The following HIBADH variants were observed in gnomAD, a reference collection of about 807,000 sequenced individuals.
HIBADH encodes 3-hydroxyisobutyrate dehydrogenase, mitochondrial.
A neutral mutation model predicts 36.1 loss-of-function variants in HIBADH; 25 were observed. The observed-to-expected ratio is 0.69, with a 90% confidence interval of 0.50 to 0.97. The LOEUF is 0.97. HIBADH is among the 50% of genes least tolerant of loss of function. The probability of loss-of-function intolerance (pLI) is 0.00; values close to 1 mark genes in which losing one functional copy is unlikely to be tolerated. For missense variants in HIBADH, 421 were observed against 418.0 expected (o/e 1.01, Z -0.06); for synonymous variants, 160 against 149.5 (o/e 1.07, Z -0.51).
At chr7:27,616,735 T>C (rs1785435562) in intron 4 of HIBADH, among the ~76,000 whole-genome samples, 1 of 152,116 alleles carries the variant, frequency 6.6e-6, no homozygotes, top group Non-Finnish European at 1.5e-5. Flanking sequence ...GTGCTGGAAT[T>C]ACAGGCATGA....
chr7:27,645,382 T>TTTTTTTTGTTTTGTTTTTG (rs1786048711), intron 2 of HIBADH, among the ~76,000 whole-genome samples: 2 of 129,076 alleles, frequency 1.5e-5, no homozygotes, highest in African/African-American at 6.3e-5. Flanking sequence ...TTTTTTTTTT[T>TTTTTTTTGTTTTGTTTTTG]TTTTTTTTTT....
intron 4 of HIBADH, 46 bp downstream of exon 4, chr7:27,629,325 T>C (rs990683938): frequency 1.2e-5 from 19 of 1,580,760 alleles, no homozygotes; most frequent in Non-Finnish European, 1.6e-5. Flanking sequence ...AATTGCTACT[T>C]TTGACAAACA....
intron 6 of HIBADH, among the ~76,000 whole-genome samples, chr7:27,532,426 T>C (rs1460339797): frequency 6.6e-6 from 1 of 152,236 alleles, no homozygotes; most frequent in African/African-American, 2.4e-5. Context: ...CACGCTCAGA[T>C]TGTTTACTCT....
intron 4 of HIBADH, among the ~76,000 whole-genome samples, chr7:27,610,272 G>A (rs1785301611): frequency 1.3e-5 from 2 of 152,050 alleles, no homozygotes; most frequent in Admixed American, 6.6e-5. Context: ...CATATTTAAA[G>A]TATACAATTT....
At chr7:27,651,942 G>T (rs1786203156) in intron 1 of HIBADH, among the ~76,000 whole-genome samples, 1 of 152,144 alleles carries the variant, frequency 6.6e-6, no homozygotes, top group Admixed American at 6.5e-5. Context: ...GATTTCAAAT[G>T]GATAGGAGGG....
intron 6 of HIBADH, among the ~76,000 whole-genome samples, chr7:27,533,490 GC>G (rs1185131595): frequency 1.3e-5 from 2 of 152,000 alleles, no homozygotes; most frequent in African/African-American, 4.8e-5. Flanking sequence ...CCCACCCGCA[GC>G]AAAGTGTATC....
At chr7:27,566,061 A>G (rs1784543869) in intron 4 of HIBADH, among the ~76,000 whole-genome samples, 1 of 152,110 alleles carries the variant, frequency 6.6e-6, no homozygotes, top group African/African-American at 2.4e-5. Context: ...TTGCTGATTC[A>G]ATTTCTTAAT....
chr7:27,657,235 C>T (rs753951763), intron 1 of HIBADH, among the ~76,000 whole-genome samples: 10 of 151,962 alleles, frequency 6.6e-5, no homozygotes, highest in Non-Finnish European at 1.5e-4. Flanking sequence ...AGAAATACAA[C>T]AAGAGGCTGA....
rs545751048 is a variant in HIBADH at position 27,628,326 on chromosome 7, G to A, written c.484+1045C>T. ...CATTAAGTTCTTTATAAAAAAATAC[G>A]AAATGATTTAAATTATTATATGTTA... On this transcript the variant is annotated intron_variant, in intron 4 of 7. Transcript: ENST00000265395. 4.4e-4 allele frequency among the ~76,000 whole-genome samples: 67 copies of A among 152,012 alleles called. No homozygotes were observed. The South Asian group carries it at 0.01, about 23-fold the overall frequency.
At chr7:27,642,930 C>T (rs746007079) in intron 2 of HIBADH, among the ~76,000 whole-genome samples, 64 of 152,262 alleles carry the variant, frequency 4.2e-4, no homozygotes, top group Non-Finnish European at 4.0e-4. Context: ...GGATTACAGG[C>T]GTGAGCCACC....
At chr7:27,638,308 CAAAAA>C (rs368715218) in intron 2 of HIBADH, among the ~76,000 whole-genome samples, 13 of 55,466 alleles carry the variant, frequency 2.3e-4, no homozygotes, top group Middle Eastern at 0.018. Context: ...TTGGCAAAGT[CAAAAA>C]AAAAAAAAAA....
intron 4 of HIBADH, among the ~76,000 whole-genome samples, chr7:27,549,803 G>C (rs1485123702): frequency 6.6e-6 from 1 of 152,150 alleles, no homozygotes; most frequent in African/African-American, 2.4e-5. Context: ...TCTTTGGGCA[G>C]TTTTATTTGA....
chr7:27,638,044 T>C (rs1000079671), intron 2 of HIBADH, among the ~76,000 whole-genome samples: 62 of 152,112 alleles, frequency 4.1e-4, no homozygotes, highest in African/African-American at 1.4e-3. Flanking sequence ...AAACTACCAA[T>C]GACATTCTTC....
At chr7:27,658,577 C>T (rs1298214842) in intron 1 of HIBADH, among the ~76,000 whole-genome samples, 1 of 152,102 alleles carries the variant, frequency 6.6e-6, no homozygotes, top group African/African-American at 2.4e-5. Flanking sequence ...AATTATTTTA[C>T]ATTTCTGAGG....
At chr7:27,648,249 A>G (rs1416506673) in intron 2 of HIBADH, among the ~76,000 whole-genome samples, 2 of 152,184 alleles carry the variant, frequency 1.3e-5, no homozygotes, top group Non-Finnish European at 2.9e-5. Context: ...AAGTCCCTAC[A>G]TTAATTAAGC....
intron 4 of HIBADH, among the ~76,000 whole-genome samples, chr7:27,616,213 G>A (rs536926879): frequency 1.1e-4 from 16 of 152,214 alleles, no homozygotes; most frequent in Admixed American, 5.2e-4. Context: ...CAGATATTGT[G>A]GGAATTAAGA....
At chr7:27,626,963 G>A (rs893748154) in intron 4 of HIBADH, among the ~76,000 whole-genome samples, 1 of 152,060 alleles carries the variant, frequency 6.6e-6, no homozygotes, top group Non-Finnish European at 1.5e-5. Context: ...GCCCATTCTG[G>A]GTATCTAAGC....
chr7:27,541,103 C>T (rs1056655291), intron 5 of HIBADH, among the ~76,000 whole-genome samples: 3 of 151,090 alleles, frequency 2.0e-5, no homozygotes, highest in Non-Finnish European at 4.4e-5. Flanking sequence ...CTGCTTGCTT[C>T]TCTTCCTAAT....
chr7:27,584,793 T>C (rs567728837), intron 4 of HIBADH, among the ~76,000 whole-genome samples: 1 of 152,220 alleles, frequency 6.6e-6, no homozygotes, highest in East Asian at 1.9e-4. Context: ...AGTGGAATGC[T>C]TTATGTGTAG....
Sources: gnomAD v4.1 joint callset for allele counts (sites outside exome capture counted in the v4.1 genomes callset) on GRCh38, gnomAD v4.1.1 for gene constraint, MANE v1.5 for transcripts, NCBI Gene and HGNC (gene_info 2026-07-23, HGNC 2026-07-21) for gene names.